The following SGCD variants were observed in gnomAD, a reference collection of about 807,000 sequenced individuals.
SGCD encodes sarcoglycan delta.
SGCD carries 18 observed loss-of-function variants against 36.6 expected under a neutral mutation model. The ratio of observed to expected loss-of-function variants is 0.49; its 90% CI spans 0.34 to 0.73. The LOEUF (loss-of-function observed/expected upper bound fraction) is 0.73. SGCD is among the 30% of genes least tolerant of loss of function. The pLI, the probability that SGCD is intolerant of heterozygous loss-of-function variation, is 0.01. For synonymous variants in SGCD, 133 were observed against 130.6 expected, an observed-to-expected ratio of 1.02 and a Z score of -0.12; for missense variants, 387 against 346.7, an observed-to-expected ratio of 1.12 and a Z score of -0.92.
chr5:156,293,611 C>A (rs1368325585), intron 3 of SGCD, among the ~76,000 whole-genome samples: 3 of 152,186 alleles, frequency 2.0e-5, no homozygotes, highest in Non-Finnish European at 4.4e-5. Flanking sequence ...AAACCTTTGT[C>A]AAAAATCATT....
At chr5:156,476,213 T>A (rs763961949) in intron 3 of SGCD, among the ~76,000 whole-genome samples, 9 of 152,178 alleles carry the variant, frequency 5.9e-5, no homozygotes, top group Non-Finnish European at 1.3e-4. Context: ...TGCAGGCCTG[T>A]CAGCAACCTC....
At chr5:156,349,174 C>T (rs1769105289) in intron 3 of SGCD, among the ~76,000 whole-genome samples, 1 of 151,994 alleles carries the variant, frequency 6.6e-6, no homozygotes. Context: ...CTAGGAAAAG[C>T]ACTTCTGGAT....
chr5:155,919,225 A>C (rs111289542), intron 1 of SGCD, among the ~76,000 whole-genome samples: 1 of 152,254 alleles, frequency 6.6e-6, no homozygotes, highest in African/African-American at 2.4e-5. Flanking sequence ...ATAGACAAAG[A>C]TATGCAAGTT....
chr5:156,161,740 CTT>C (rs1014868424), intron 3 of SGCD, among the ~76,000 whole-genome samples: 2 of 151,772 alleles, frequency 1.3e-5, no homozygotes, highest in Non-Finnish European at 2.9e-5. Flanking sequence ...TTTTCCTCAT[CTT>C]TCCTTCCTAC....
At chr5:156,129,943 A>G (rs146617684) in intron 3 of SGCD, among the ~76,000 whole-genome samples, 14 of 152,220 alleles carry the variant, frequency 9.2e-5, no homozygotes, top group Non-Finnish European at 2.1e-4. Context: ...TAGTGCTGCA[A>G]TGAACATTCA....
intron 3 of SGCD, among the ~76,000 whole-genome samples, chr5:156,364,925 A>G (rs1770008772): frequency 6.6e-6 from 1 of 152,202 alleles, no homozygotes; most frequent in Non-Finnish European, 1.5e-5. Flanking sequence ...TGGGCATACT[A>G]CCTGTCGCCT....
At chr5:156,112,722 G>A (rs573299168) in intron 1 of SGCD, among the ~76,000 whole-genome samples, 37 of 152,208 alleles carry the variant, frequency 2.4e-4, no homozygotes, top group African/African-American at 8.2e-4. Flanking sequence ...TTGTTTGCAC[G>A]GCCATTTAAG....
At chr5:156,069,730 A>T (rs1760476511) in intron 1 of SGCD, among the ~76,000 whole-genome samples, 1 of 148,214 alleles carries the variant, frequency 6.7e-6, no homozygotes, top group South Asian at 2.1e-4. Flanking sequence ...GGCCATTTTC[A>T]CGATATTGAT....
intron 3 of SGCD, among the ~76,000 whole-genome samples, chr5:156,470,711 T>C (rs370440175): frequency 2.2e-4 from 33 of 152,204 alleles, no homozygotes; most frequent in African/African-American, 8.0e-4. Flanking sequence ...TAACAAAACA[T>C]TTGAACATGA....
chr5:155,940,023 A>C (rs186749451), intron 1 of SGCD, among the ~76,000 whole-genome samples: 1 of 152,008 alleles, frequency 6.6e-6, no homozygotes, highest in African/African-American at 2.4e-5. Context: ...TGTAGAGATG[A>C]GGTTTCACCA....
At chr5:156,097,489 C>T (rs551128273) in intron 1 of SGCD, among the ~76,000 whole-genome samples, 2 of 152,200 alleles carry the variant, frequency 1.3e-5, no homozygotes, top group African/African-American at 4.8e-5. Flanking sequence ...TGTCCTTCAT[C>T]TTCTCTGTTC....
At chr5:155,784,257 A>G in the SGCD span, among the ~76,000 whole-genome samples, 8 of 152,278 alleles carry the variant, frequency 5.3e-5, no homozygotes, top group African/African-American at 1.7e-4. Context: ...GAGTTAGTCC[A>G]AGGAAGTGGT....
chr5:156,680,762 A>G (rs1456916516), intron 7 of SGCD, among the ~76,000 whole-genome samples: 1 of 152,246 alleles, frequency 6.6e-6, no homozygotes, highest in African/African-American at 2.4e-5. Flanking sequence ...TTCACCAAGA[A>G]AATGACAAGG....
In SGCD at chr5:156,766,651, T is replaced by A. The variant is rs1382234242; in HGVS notation, c.*7261T>A. 6.6e-6 allele frequency: 1 copy of A among 150,656 alleles called. No homozygotes were observed. The highest frequency in any genetic ancestry group is 2.5e-5 in the African/African-American group (1 of 40,810). 9.3% of individuals were successfully genotyped at this position (150,656 alleles called of 1,614,324 possible). On this transcript the variant is annotated 3_prime_UTR_variant, in exon 9 of 9. Coordinates refer to ENST00000337851, the MANE Select transcript of SGCD (RefSeq NM_000337.6). ...AGAAAATGAGTGCATCTGAAGTTCC[T>A]TACAGCTTGGTTTCTTTGGAATGCT...
intron 1 of SGCD, among the ~76,000 whole-genome samples, chr5:156,113,351 CT>C (rs1761834817): frequency 1.3e-5 from 2 of 152,068 alleles, no homozygotes; most frequent in African/African-American, 4.8e-5. Flanking sequence ...ATTTATTTAT[CT>C]GGCACACATT....
At chr5:156,068,175 G>T (rs933500341) in intron 1 of SGCD, among the ~76,000 whole-genome samples, 1 of 151,304 alleles carries the variant, frequency 6.6e-6, no homozygotes, top group African/African-American at 2.4e-5. Context: ...ACAATGTGCA[G>T]GTTAGTTACA....
At chr5:156,072,481 A>C (rs1048161291) in intron 1 of SGCD, among the ~76,000 whole-genome samples, 1 of 151,800 alleles carries the variant, frequency 6.6e-6, no homozygotes, top group Non-Finnish European at 1.5e-5. Flanking sequence ...TGGCTTGTAG[A>C]GTTTCTGCCG....
At chr5:156,449,675 T>TACAAAAAAAAAAAA (rs1753911603) in intron 3 of SGCD, among the ~76,000 whole-genome samples, 1 of 19,226 alleles carries the variant, frequency 5.2e-5, no homozygotes, top group Non-Finnish European at 1.1e-4. Context: ...CTACTAAAAA[T>TACAAAAAAAAAAAA]ACAAAAAAAA....
intron 1 of SGCD, among the ~76,000 whole-genome samples, chr5:155,917,286 A>T (rs2113368324): frequency 6.6e-6 from 1 of 152,264 alleles, no homozygotes; most frequent in Non-Finnish European, 1.5e-5. Flanking sequence ...AGCTCAAAGT[A>T]TGTGAGGGTG....
Sources: gnomAD v4.1 joint callset for allele counts (sites outside exome capture counted in the v4.1 genomes callset) on GRCh38, gnomAD v4.1.1 for gene constraint, MANE v1.5 for transcripts, NCBI Gene and HGNC (gene_info 2026-07-23, HGNC 2026-07-21) for gene names.